The following ACAN variants were observed in gnomAD, a reference collection of about 807,000 sequenced individuals.
ACAN encodes the protein aggrecan core protein.
ACAN carries 47 observed loss-of-function variants against 169.1 expected under a neutral mutation model. That is an observed-to-expected ratio of 0.28 (90% CI 0.22 to 0.35). The LOEUF is 0.35. ACAN is among the 10% of genes least tolerant of loss of function. The probability of loss-of-function intolerance (pLI) is 1.00; values close to 1 mark genes in which losing one functional copy is unlikely to be tolerated. For missense variants in ACAN, 2,716 were observed against 2,759.9 expected (o/e 0.98, Z 0.36); for synonymous variants, 1,115 against 1,112.2 (o/e 1.00, Z -0.05).
chr15:88,845,475 G>T, intron 6 of ACAN, 30 bp from the exon 7 acceptor site: 1 of 1,571,402 alleles, frequency 6.4e-7, no homozygotes, highest in East Asian at 2.3e-5. Flanking sequence ...CAGGCTGAGA[G>T]GCTAAAGCTT....
At chr15:88,826,348 G>A (rs1056132440) in intron 1 of ACAN, among the ~76,000 whole-genome samples, 5 of 151,976 alleles carry the variant, frequency 3.3e-5, no homozygotes, top group South Asian at 2.1e-4. Flanking sequence ...CACGGAGCAG[G>A]GCATTTGTAT....
At position 88,840,014 on chromosome 15, in the gene ACAN, A is replaced by T; in HGVS notation, c.457A>T (p.Ile153Phe). The change falls in exon 4 of 19, where the codon ATC becomes TTC. Residue 153 changes from isoleucine (I) to phenylalanine (F), a missense_variant and splice_region_variant. This residue lies in a region of ACAN where 1,283 missense variants were observed against 1,281.5 expected (regional missense o/e 1.00). Transcript: ENST00000560601. Reference protein sequence around the residue: ...EATLEVVVKGIVFHYRAISTR... With the variant: ...EATLEVVVKGFVFHYRAISTR... ...GTGGGCGTGTATGTGTCTTGCAGGC[A>T]TCGTGTTCCATTACAGAGCCATCTC... 2 of 1,598,176 alleles carry T rather than the reference A, an allele frequency of 1.3e-6. No individual in the cohort carries two copies. The highest frequency in any genetic ancestry group is 1.7e-6 in the Non-Finnish European group (2 of 1,171,902).
chr15:88,815,655 T>TAAAAAAA (rs1491365655), intron 1 of ACAN, among the ~76,000 whole-genome samples: 3 of 71,592 alleles, frequency 4.2e-5, no homozygotes, highest in African/African-American at 1.7e-4. Flanking sequence ...TCTGCACTGA[T>TAAAAAAA]TAAAAAAAAA....
In ACAN at chr15:88,839,036, C is replaced by T. The variant is rs371875791; in HGVS notation, c.444C>T (p.Val148=). 8.5e-5 allele frequency: 137 copies of T among 1,602,812 alleles called. No individual in the cohort carries two copies. The highest frequency in any genetic ancestry group is 1.8e-4 in the Admixed American group (11 of 60,006). Residue 148 remains valine (V), a synonymous_variant, in exon 3 of 19, where the codon GTC becomes GTT. Transcript: ENST00000560601. This position sits in a 1 kb window ranked among gnomAD's most constrained non-coding sequence, Gnocchi z 4.5. The part of the protein sequence containing the change: ...GIEDSEATLE[V]VVKGIVFHYR... ...AGGACAGCGAGGCCACCCTGGAAGT[C>T]GTGGTGAAAGGTGAGAGCCTCCCAC...
intron 12 of ACAN, among the ~76,000 whole-genome samples, chr15:88,859,637 G>A (rs1349008981): frequency 9.9e-5 from 15 of 152,220 alleles, no homozygotes; most frequent in Non-Finnish European, 1.5e-5. Context: ...CATAAACATA[G>A]ATAGATAAAG....
intron 2 of ACAN, 148 bp downstream of exon 2, chr15:88,836,424 G>T: frequency 1.4e-6 from 1 of 738,990 alleles, no homozygotes; most frequent in Non-Finnish European, 2.4e-6. Flanking sequence ...CCCTGTTGAT[G>T]CATGCATAAC....
In ACAN at chr15:88,858,641, CTG is replaced by C; in HGVS notation, c.6058_6059del (p.Val2020SerfsTer20). On this transcript the variant is annotated frameshift_variant, in exon 12 of 19. Transcript: ENST00000560601. LOFTEE classifies it high-confidence loss of function. The surrounding 1 kb of genome is among the most constrained non-coding windows in gnomAD (Gnocchi z 4.0). ...ACCACCAATGTAAGTGGAGAATCCTCTGTAGCCATGGGCACCAGTGGAGAGGC... is the reference window on the plus strand; with the variant it reads ...ACCACCAATGTAAGTGGAGAATCCTCTAGCCATGGGCACCAGTGGAGAGGC... 1 of 1,613,994 alleles carries C rather than the reference CTG, an allele frequency of 6.2e-7. No individual in the cohort carries two copies. The highest frequency in any genetic ancestry group is 8.5e-7 in the Non-Finnish European group (1 of 1,179,910).
chr15:88,854,682 A>G (rs1009558370), intron 11 of ACAN, among the ~76,000 whole-genome samples, 170 bp from the exon 12 acceptor site: 1 of 151,180 alleles, frequency 6.6e-6, no homozygotes, highest in Non-Finnish European at 1.5e-5. Flanking sequence ...TCCTTTCTTC[A>G]TTTCCAAGAC....
chr15:88,874,734 C>T lies in ACAN; in HGVS notation c.*253C>T. On this transcript the variant is annotated 3_prime_UTR_variant, in exon 19 of 19. Coordinates refer to ENST00000560601, the MANE Select transcript of ACAN (RefSeq NM_001369268.1). The surrounding 1 kb of genome is among the most constrained non-coding windows in gnomAD (Gnocchi z 7.3). ...ATAACCCTTGGACTGAGTTTAGAGACATTTCTTCAATTTCCCATCGTGCCT... is the reference window on the plus strand; with the variant it reads ...ATAACCCTTGGACTGAGTTTAGAGATATTTCTTCAATTTCCCATCGTGCCT... 1 of 556,250 alleles carries T rather than the reference C, an allele frequency of 1.8e-6. No homozygotes were observed. Among genetic ancestry groups the T allele is most frequent in the Non-Finnish European group, 3.3e-6 (1 of 301,904 alleles). The allele number at this position is 556,250 out of a possible 1,614,324, so 34.5% of individuals were successfully genotyped here. A position where few individuals can be genotyped will look rare whatever the true frequency, so the allele number is the denominator to read the frequency against.
At chr15:88,835,236 C>A (rs1369395146) in intron 1 of ACAN, among the ~76,000 whole-genome samples, 1 of 152,160 alleles carries the variant, frequency 6.6e-6, no homozygotes, top group Non-Finnish European at 1.5e-5. Flanking sequence ...TTCTAAAACA[C>A]ACGTGATCTC....
chr15:88,841,267 A>C (rs1567176512), intron 4 of ACAN, among the ~76,000 whole-genome samples: 4 of 152,240 alleles, frequency 2.6e-5, no homozygotes. Context: ...TGATGATAGC[A>C]CCTACCTCAC....
intron 1 of ACAN, among the ~76,000 whole-genome samples, chr15:88,824,274 A>G (rs906360707): frequency 1.3e-5 from 2 of 151,966 alleles, no homozygotes; most frequent in African/African-American, 4.8e-5. Flanking sequence ...CAGTAAGCCA[A>G]GATTGCGCCA....
At chr15:88,812,332 T>G (rs1394491212) in intron 1 of ACAN, among the ~76,000 whole-genome samples, 2 of 151,800 alleles carry the variant, frequency 1.3e-5, no homozygotes, top group African/African-American at 4.8e-5. Context: ...CTGCACAGAA[T>G]GACTCGCCCT....
At chr15:88,863,543 T>C (rs1178769212) in intron 13 of ACAN, among the ~76,000 whole-genome samples, 2 of 152,242 alleles carry the variant, frequency 1.3e-5, no homozygotes, top group African/African-American at 4.8e-5. Context: ...AATACTGTTC[T>C]AACCAGATCT....
chr15:88,820,954 G>A (rs572599821), intron 1 of ACAN, among the ~76,000 whole-genome samples: 1 of 152,306 alleles, frequency 6.6e-6, no homozygotes, highest in South Asian at 2.1e-4. Context: ...CATGGTGGAA[G>A]GGGAAGCAAA....
chr15:88,872,797 G>C lies in ACAN; in HGVS notation c.7303-84G>C, dbSNP rs1238631586. ...GCTAAAAGAGAAAGGAGATGATGAA[G>C]AGGCTCCACGGGGAAGACAGTCGGA... On this transcript the variant is annotated intron_variant, in intron 16 of 18. Coordinates refer to ENST00000560601, the MANE Select transcript of ACAN (RefSeq NM_001369268.1). The surrounding 1 kb of genome is among the most constrained non-coding windows in gnomAD (Gnocchi z 5.4). 6.8e-7 allele frequency: 1 copy of C among 1,477,390 alleles called. No individual in the cohort carries two copies. The highest frequency in any genetic ancestry group is 2.3e-5 in the East Asian group (1 of 43,408). The allele number at this position is 1,477,390 out of a possible 1,614,324, so 91.5% of individuals were successfully genotyped here. A position where few individuals can be genotyped will look rare whatever the true frequency, so the allele number is the denominator to read the frequency against.
intron 12 of ACAN, among the ~76,000 whole-genome samples, chr15:88,860,021 A>G (rs1012130899): frequency 6.7e-6 from 1 of 150,186 alleles, no homozygotes; most frequent in African/African-American, 2.5e-5. Flanking sequence ...TCTCACCGTG[A>G]CATAACTCCA....
rs541175678 is a variant in ACAN, at chr15:88,868,052, GGCA to G, written c.6947-142_6947-140del. ...GATCTTTGCTTCAGCACTCCAAGAT[GGCA>G]GCAGCAGCAGCAGCAGCAGCAACAG... On this transcript the variant is annotated intron_variant, in intron 13 of 18. Coordinates refer to ENST00000560601, the MANE Select transcript of ACAN (RefSeq NM_001369268.1). The surrounding 1 kb of genome is among the most constrained non-coding windows in gnomAD (Gnocchi z 5.2). 3.3e-5 allele frequency among the ~76,000 whole-genome samples: 5 copies of G among 151,966 alleles called. No homozygotes were observed. Among genetic ancestry groups the G allele is most frequent in the East Asian group, 1.9e-4 (1 of 5,192 alleles).
In ACAN at chr15:88,871,518, C is replaced by T. The variant is rs35446117; in HGVS notation, c.7197C>T (p.Pro2399=). Residue 2399 remains proline (P), a synonymous_variant, in exon 15 of 19, where the codon CCC becomes CCT. Coordinates refer to ENST00000560601, the MANE Select transcript of ACAN (RefSeq NM_001369268.1). This position sits in a 1 kb window ranked among gnomAD's most constrained non-coding sequence, Gnocchi z 7.8. ...CACACCTGAGCAGCATCGTCACCCC[C>T]GAGGAGCAGGAGTTTGTCAACAGTG... is the stretch of plus-strand genomic sequence containing the variant. ...QQSHLSSIVT[P]EEQEFVNNNA... 20,255 of 1,613,284 alleles carry T rather than the reference C, an allele frequency of 0.013. 194 individuals carry two copies. Among genetic ancestry groups the T allele is most frequent in the Non-Finnish European group, 0.014 (16,858 of 1,179,664 alleles).
Sources: allele counts gnomAD v4.1 joint callset (sites outside exome capture counted in the v4.1 genomes callset), GRCh38; gene constraint gnomAD v4.1.1; regional missense constraint gnomAD v4.1.1; non-coding constraint Gnocchi (gnomAD v3.1); transcripts MANE v1.5; gene names NCBI Gene and HGNC (gene_info 2026-07-23, HGNC 2026-07-21).